SNX29: variants seen among roughly 807,000 people sequenced by gnomAD.
SNX29 encodes the protein sorting nexin 29.
SNX29 carries 78 observed loss-of-function variants against 102.1 expected under a neutral mutation model. That is an observed-to-expected ratio of 0.76 (90% CI 0.64 to 0.92). The LOEUF is 0.92. Among genes scored for constraint, SNX29 ranks in the 40% least tolerant of loss-of-function variants. The pLI, the probability that SNX29 is intolerant of heterozygous loss-of-function variation, is 0.00. For missense variants in SNX29, 1,280 were observed against 1,061.7 expected (o/e 1.21, Z -2.86); for synonymous variants, 580 against 414.5 (o/e 1.40, Z -4.85).
chr16:12,323,931 T>C (rs2081038340), intron 15 of SNX29, among the ~76,000 whole-genome samples: 1 of 152,152 alleles, frequency 6.6e-6, no homozygotes, highest in African/African-American at 2.4e-5. Flanking sequence ...TTCCAGACTT[T>C]TTAAGGAATA....
In SNX29 at chr16:12,569,324, C is replaced by CA. The variant is rs2079135728; in HGVS notation, c.*695_*696insA. 4.4e-6 allele frequency: 1 copy of CA among 229,876 alleles called. No individual in the cohort carries two copies. The highest frequency in any genetic ancestry group is 8.6e-6 in the Non-Finnish European group (1 of 116,018). 14.2% of individuals were successfully genotyped at this position (229,876 alleles called of 1,614,324 possible). A position where few individuals can be genotyped will look rare whatever the true frequency, so the allele number is the denominator to read the frequency against. On this transcript the variant is annotated 3_prime_UTR_variant, in exon 21 of 21. Coordinates refer to ENST00000566228, the MANE Select transcript of SNX29 (RefSeq NM_032167.5). ...TGGCTTCAGGAAGGACCAGTGCCCT[C>CA]CATAGCCTGAGGCCACCTAGGCCCT...
chr16:12,125,948 C>T (rs1002651278), intron 11 of SNX29, among the ~76,000 whole-genome samples: 4 of 152,210 alleles, frequency 2.6e-5, no homozygotes, highest in Admixed American at 1.3e-4. Flanking sequence ...GATACCTGCT[C>T]TTCCAAATGC....
intron 15 of SNX29, among the ~76,000 whole-genome samples, chr16:12,339,830 A>G (rs1427688004): frequency 6.6e-6 from 1 of 152,218 alleles, no homozygotes; most frequent in Non-Finnish European, 1.5e-5. Flanking sequence ...TCCCTGAACC[A>G]GTCACTGTGG....
chr16:12,399,061 TTTTTTA>T (rs2083835362), intron 17 of SNX29, among the ~76,000 whole-genome samples: 1 of 146,218 alleles, frequency 6.8e-6, no homozygotes, highest in Admixed American at 6.7e-5. Flanking sequence ...GTCATCAGAC[TTTTTTA>T]TTTTTGAGAT....
chr16:12,054,129 G>A (rs1196987609), intron 8 of SNX29, among the ~76,000 whole-genome samples: 14 of 152,014 alleles, frequency 9.2e-5, no homozygotes, highest in East Asian at 1.9e-4. Flanking sequence ...CACCACGCCC[G>A]GCTAATTTTT....
chr16:12,027,540 C>CG (rs2057228355), intron 4 of SNX29, 96 bp downstream of exon 4: 16 of 1,479,776 alleles, frequency 1.1e-5, no homozygotes, highest in Non-Finnish European at 1.4e-5. Flanking sequence ...GCAGTGATCG[C>CG]GTGGGACTTG....
At chr16:12,550,762 A>G (rs1251803449) in intron 20 of SNX29, among the ~76,000 whole-genome samples, 1 of 151,308 alleles carries the variant, frequency 6.6e-6, no homozygotes, top group Non-Finnish European at 1.5e-5. Flanking sequence ...AATAGTTGAA[A>G]AAGTGTAGAG....
At chr16:12,482,984 A>G (rs2088018877) in intron 19 of SNX29, among the ~76,000 whole-genome samples, 1 of 152,192 alleles carries the variant, frequency 6.6e-6, no homozygotes, top group South Asian at 2.1e-4. Flanking sequence ...GGAGGTGTCC[A>G]TGCCTTCACA....
intron 15 of SNX29, among the ~76,000 whole-genome samples, chr16:12,284,324 C>T (rs2079526533): frequency 6.6e-6 from 1 of 152,240 alleles, no homozygotes; most frequent in South Asian, 2.1e-4. Flanking sequence ...TGAAATGCAG[C>T]CAGTCATACC....
At position 12,003,021 on chromosome 16, in the gene SNX29, A is replaced by G; in HGVS notation, c.100A>G (p.Ile34Val). The G allele has an allele frequency of 6.2e-7, 1 of 1,614,104 alleles. No homozygotes were observed. Among genetic ancestry groups the G allele is most frequent in the African/African-American group, 1.3e-5 (1 of 75,020 alleles). ...CQIRFGGRKE[I>V]ASDSDSRVTC... ...GATCCGCTTTGGAGGGAGAAAGGAG[A>G]TTGCCTCGGATTCCGACAGCAGGTA... The change falls in exon 3 of 21, where the codon ATT becomes GTT. Residue 34 changes from isoleucine (I) to valine (V), a missense_variant. By Grantham distance (29) the Ile-to-Val change is conservative. Transcript: ENST00000566228.
At chr16:12,357,603 C>T (rs1016442595) in intron 16 of SNX29, among the ~76,000 whole-genome samples, 3 of 152,244 alleles carry the variant, frequency 2.0e-5, no homozygotes, top group South Asian at 2.1e-4. Flanking sequence ...GCATTAAGTA[C>T]GTTCACACAT....
At chr16:12,332,297 C>G (rs1399657925) in intron 15 of SNX29, among the ~76,000 whole-genome samples, 1 of 152,158 alleles carries the variant, frequency 6.6e-6, no homozygotes, top group Non-Finnish European at 1.5e-5. Flanking sequence ...TGCGTGTCTT[C>G]AGCTCGTTGC....
intron 18 of SNX29, among the ~76,000 whole-genome samples, chr16:12,438,682 G>A (rs2085652177): frequency 6.6e-6 from 1 of 152,212 alleles, no homozygotes; most frequent in Non-Finnish European, 1.5e-5. Flanking sequence ...GCTTGTTGTT[G>A]AAGAAATGAC....
At chr16:12,254,388 C>T (rs535787239) in intron 14 of SNX29, among the ~76,000 whole-genome samples, 1 of 152,044 alleles carries the variant, frequency 6.6e-6, no homozygotes, top group Non-Finnish European at 1.5e-5. Context: ...CAGTGGCTCA[C>T]GCCTGTAATG....
At chr16:12,305,289 A>T (rs1269827452) in intron 15 of SNX29, among the ~76,000 whole-genome samples, 1 of 152,160 alleles carries the variant, frequency 6.6e-6, no homozygotes, top group Non-Finnish European at 1.5e-5. Flanking sequence ...ACGAGGTTAG[A>T]CTCAGGTGTT....
At chr16:12,566,078 T>C (rs1567218631) in intron 20 of SNX29, among the ~76,000 whole-genome samples, 1 of 152,248 alleles carries the variant, frequency 6.6e-6, no homozygotes, top group Non-Finnish European at 1.5e-5. Flanking sequence ...TCTAGGCACT[T>C]GATCCCCATG....
At chr16:12,250,900 G>A (rs1276969348) in intron 14 of SNX29, among the ~76,000 whole-genome samples, 1 of 152,218 alleles carries the variant, frequency 6.6e-6, no homozygotes, top group Non-Finnish European at 1.5e-5. Context: ...GCTGGTGCCT[G>A]GATCCCTGAC....
chr16:12,559,651 C>T (rs748140961), intron 20 of SNX29, among the ~76,000 whole-genome samples: 3 of 152,138 alleles, frequency 2.0e-5, no homozygotes, highest in Non-Finnish European at 2.9e-5. Context: ...ATGTAAGCCA[C>T]ATTCTGCTTC....
At chr16:12,551,147 A>C in intron 20 of SNX29, among the ~76,000 whole-genome samples, 1 of 152,068 alleles carries the variant, frequency 6.6e-6, no homozygotes. Flanking sequence ...CTGCCAGGAG[A>C]ATCTCAGAAA....
Sources: gnomAD v4.1 joint callset for allele counts (sites outside exome capture counted in the v4.1 genomes callset) on GRCh38, gnomAD v4.1.1 for gene constraint, MANE v1.5 for transcripts, NCBI Gene and HGNC (gene_info 2026-07-23, HGNC 2026-07-21) for gene names.